The following SLC14A2 variants were observed in gnomAD, a reference collection of about 807,000 sequenced individuals.
SLC14A2 encodes the protein urea transporter 2.
A neutral mutation model predicts 104.6 loss-of-function variants in SLC14A2; 91 were observed. The observed-to-expected ratio is 0.87, with a 90% CI of 0.73 to 1.04. SLC14A2 has a LOEUF of 1.04. Among genes scored for constraint, SLC14A2 ranks in the 50% least tolerant of loss-of-function variants. SLC14A2 has a pLI of 0.00. For synonymous variants in SLC14A2, 476 were observed against 466.4 expected (o/e 1.02, Z -0.27); for missense variants, 1,189 against 1,156.0 (o/e 1.03, Z -0.41).
chr18:45,293,000 C>T (rs779179845), intron 1 of SLC14A2, among the ~76,000 whole-genome samples: 9 of 151,400 alleles, frequency 5.9e-5, no homozygotes, highest in South Asian at 2.1e-4. Flanking sequence ...CCTGCCCCCC[C>T]GCAAAAAAAA....
chr18:45,473,720 A>G (rs1022163663), intron 1 of SLC14A2, among the ~76,000 whole-genome samples: 1 of 152,196 alleles, frequency 6.6e-6, no homozygotes, highest in Admixed American at 6.5e-5. Context: ...ACTTTTGCAC[A>G]TTGATTTTGT....
intron 11 of SLC14A2, among the ~76,000 whole-genome samples, chr18:45,664,791 A>G (rs1440198243): frequency 6.6e-6 from 1 of 152,186 alleles, no homozygotes; most frequent in Non-Finnish European, 1.5e-5. Context: ...GGGATTGCCG[A>G]GGACATTGCA....
At chr18:45,198,893 A>G in the SLC14A2 span, among the ~76,000 whole-genome samples, 3 of 152,158 alleles carry the variant, frequency 2.0e-5, no homozygotes, top group Admixed American at 1.3e-4. Context: ...TACAGTAAAC[A>G]CCTATGTATT....
At position 45,389,544 on chromosome 18, in the gene SLC14A2, C is replaced by G. The variant is rs930112584; in HGVS notation, c.-124-93689C>G. ...AGGATCCCAAATCAACTTCAACCAG[C>G]CTTCTTTCTTTCTTGGATTAAGTTA... On this transcript the variant is annotated intron_variant, in intron 1 of 20. Transcript: ENST00000586448. 2.6e-5 allele frequency among the ~76,000 whole-genome samples: 4 copies of G among 152,114 alleles called. No individual in the cohort carries two copies. In the South Asian group the frequency reaches 8.3e-4, roughly 32 times the overall value.
chr18:45,351,744 G>A (rs139707618), intron 1 of SLC14A2, among the ~76,000 whole-genome samples: 8 of 152,306 alleles, frequency 5.3e-5, no homozygotes, highest in South Asian at 2.1e-4. Flanking sequence ...GAAGGGAAAT[G>A]TTTCCCTCTG....
intron 1 of SLC14A2, among the ~76,000 whole-genome samples, chr18:45,272,043 T>C (rs2084656762): frequency 6.6e-6 from 1 of 151,950 alleles, no homozygotes; most frequent in South Asian, 2.1e-4. Flanking sequence ...AAACATACAC[T>C]AGGGAAAAGA....
intron 4 of SLC14A2, among the ~76,000 whole-genome samples, chr18:45,631,330 C>T (rs1238052569): frequency 6.6e-6 from 1 of 152,248 alleles, no homozygotes; most frequent in African/African-American, 2.4e-5. Context: ...TTGGCAGGGG[C>T]CTTGCATCAC....
At chr18:45,571,778 C>T (rs907397992) in intron 2 of SLC14A2, among the ~76,000 whole-genome samples, 9 of 152,210 alleles carry the variant, frequency 5.9e-5, no homozygotes, top group Non-Finnish European at 1.0e-4. Context: ...TGATCCATTA[C>T]TTGAAGAGCC....
intron 2 of SLC14A2, among the ~76,000 whole-genome samples, chr18:45,544,331 C>T (rs1045768347): frequency 1.2e-4 from 18 of 152,126 alleles, no homozygotes; most frequent in Non-Finnish European, 2.1e-4. Context: ...TTTAACTCTC[C>T]TGTTTGCTTT....
intron 7 of SLC14A2, 45 bp downstream of exon 7, chr18:45,639,938 C>A (rs1226468827): frequency 6.4e-7 from 1 of 1,568,314 alleles, no homozygotes; most frequent in Admixed American, 1.8e-5. Context: ...ATAATTCACT[C>A]AAGGTCACTT....
At chr18:45,211,435 C>A (rs2083960526), upstream of SLC14A2, among the ~76,000 whole-genome samples, 1 of 152,158 alleles carries the variant, frequency 6.6e-6, no homozygotes, top group Non-Finnish European at 1.5e-5. Flanking sequence ...GCAGGTATTT[C>A]AAATTCCACA....
chr18:45,262,379 G>A (rs117661503), intron 1 of SLC14A2, among the ~76,000 whole-genome samples: 2,202 of 152,130 alleles, frequency 0.014, 23 homozygotes, highest in Non-Finnish European at 0.022. Flanking sequence ...TGCCCCTTGG[G>A]AAACACTGTG....
rs192575945 is a variant in SLC14A2, at chr18:45,633,507, A to T, written c.650+1029A>T. Among the ~76,000 whole-genome samples the T allele has an allele frequency of 1.3e-3, 197 of 152,348 alleles. 1 individual carries two copies. Among genetic ancestry groups the T allele is most frequent in the African/African-American group, 4.4e-3 (181 of 41,596 alleles). ...TAGCGAAGGGTGTGCTGGGCCATTC[A>T]CACAATGATTCTTAGTTCACGTAAA... On this transcript the variant is annotated intron_variant, in intron 5 of 19. Transcript: ENST00000255226.
intron 1 of SLC14A2, among the ~76,000 whole-genome samples, chr18:45,242,680 G>T (rs909078770): frequency 6.6e-6 from 1 of 152,140 alleles, no homozygotes; most frequent in Non-Finnish European, 1.5e-5. Context: ...CTTAAGCACC[G>T]TATCTAAAAT....
intron 1 of SLC14A2, among the ~76,000 whole-genome samples, chr18:45,409,419 C>A (rs1028185302): frequency 6.6e-6 from 1 of 152,106 alleles, no homozygotes; most frequent in African/African-American, 2.4e-5. Flanking sequence ...CTCTGCCTAC[C>A]GTAATCTTCA....
At chr18:45,503,840 T>TGCTTCCCAC (rs376168648) in intron 2 of SLC14A2, among the ~76,000 whole-genome samples, 49 of 151,826 alleles carry the variant, frequency 3.2e-4, no homozygotes, top group African/African-American at 1.1e-3. Context: ...TTATCAAAGA[T>TGCTTCCCAC]ACCACTGGAA....
chr18:45,285,661 G>GCC (rs10536916), intron 1 of SLC14A2, among the ~76,000 whole-genome samples: 54 of 125,004 alleles, frequency 4.3e-4, no homozygotes, highest in Middle Eastern at 7.8e-3. Flanking sequence ...CAGGTGATCT[G>GCC]CCCCCCCCCC....
At chr18:45,184,637 CTTT>C in the SLC14A2 span, among the ~76,000 whole-genome samples, 1 of 151,828 alleles carries the variant, frequency 6.6e-6, no homozygotes, top group Admixed American at 6.6e-5. Flanking sequence ...TAGAAAACCA[CTTT>C]TTAAGTATAA....
chr18:45,498,660 C>T (rs985858274), intron 2 of SLC14A2, among the ~76,000 whole-genome samples: 1 of 152,168 alleles, frequency 6.6e-6, no homozygotes, highest in Non-Finnish European at 1.5e-5. Flanking sequence ...TCATCTCCTC[C>T]TGTCTCCTAA....
Sources: allele counts gnomAD v4.1 joint callset (sites outside exome capture counted in the v4.1 genomes callset), GRCh38; gene constraint gnomAD v4.1.1; transcripts MANE v1.5; gene names NCBI Gene and HGNC (gene_info 2026-07-23, HGNC 2026-07-21).